The following SEMA3A variants were observed in gnomAD, a reference collection of about 807,000 sequenced individuals.
The protein encoded by SEMA3A is semaphorin 3A.
SEMA3A carries 29 observed loss-of-function variants against 97.9 expected under a neutral mutation model. The observed-to-expected ratio is 0.30, with a 90% CI of 0.22 to 0.40. The LOEUF (loss-of-function observed/expected upper bound fraction) is 0.40. Among genes scored for constraint, SEMA3A ranks in the 10% least tolerant of loss-of-function variants. The probability of loss-of-function intolerance (pLI) is 1.00; values close to 1 mark genes in which losing one functional copy is unlikely to be tolerated. For synonymous variants in SEMA3A, 321 were observed against 323.7 expected (o/e 0.99, Z 0.09); for missense variants, 763 against 951.3 (o/e 0.80, Z 2.60).
At chr7:84,312,905 TATATATATATATATATACACAC>T (rs1376325581) in intron 2 of SEMA3A, among the ~76,000 whole-genome samples, 3 of 55,868 alleles carry the variant, frequency 5.4e-5, no homozygotes, top group Non-Finnish European at 1.4e-4. Context: ...TATATATATA[TATATATATATATATATACACAC>T]ACACACACAC....
chr7:84,234,050 T>A (rs1799177871), intron 3 of SEMA3A, among the ~76,000 whole-genome samples: 2 of 152,040 alleles, frequency 1.3e-5, no homozygotes, highest in Non-Finnish European at 2.9e-5. Flanking sequence ...TTTATTATAA[T>A]GAAAACCATA....
chr7:84,480,703 C>G (rs1806421864), intron 1 of SEMA3A, among the ~76,000 whole-genome samples: 1 of 152,020 alleles, frequency 6.6e-6, no homozygotes, highest in Non-Finnish European at 1.5e-5. Context: ...TGGAAGTGTC[C>G]TCTTTTTAAA....
chr7:84,071,571 A>G (rs1352633861), intron 4 of SEMA3A, among the ~76,000 whole-genome samples: 1 of 152,108 alleles, frequency 6.6e-6, no homozygotes, highest in Non-Finnish European at 1.5e-5. Flanking sequence ...AAGCAGGTAC[A>G]AATTTTACCT....
intron 3 of SEMA3A, among the ~76,000 whole-genome samples, chr7:84,236,368 G>C (rs1480118563): frequency 6.6e-6 from 1 of 151,920 alleles, no homozygotes; most frequent in African/African-American, 2.4e-5. Flanking sequence ...TTCTATCCTA[G>C]ATATCCAATA....
chr7:84,018,371 T>G (rs965204932), intron 6 of SEMA3A, among the ~76,000 whole-genome samples: 2 of 152,226 alleles, frequency 1.3e-5, no homozygotes, highest in Non-Finnish European at 2.9e-5. Flanking sequence ...TATTTTCATT[T>G]ATAAAATAAG....
intron 2 of SEMA3A, among the ~76,000 whole-genome samples, chr7:84,329,435 G>T (rs1437285839): frequency 1.3e-5 from 2 of 151,938 alleles, no homozygotes; most frequent in Admixed American, 6.6e-5. Context: ...GCTATTGTTA[G>T]TGTTAATATA....
chr7:84,048,731 G>A (rs1792464980), intron 5 of SEMA3A, among the ~76,000 whole-genome samples: 1 of 151,956 alleles, frequency 6.6e-6, no homozygotes, highest in African/African-American at 2.4e-5. Flanking sequence ...TCAGGATTTA[G>A]TCAGACCATG....
chr7:84,348,282 T>A (rs763794825), intron 2 of SEMA3A, among the ~76,000 whole-genome samples: 2 of 152,174 alleles, frequency 1.3e-5, no homozygotes, highest in Non-Finnish European at 2.9e-5. Flanking sequence ...AGAAATAATA[T>A]ATATGAGAAA....
chr7:84,487,753 A>T lies in SEMA3A; in HGVS notation c.-246+4707T>A, dbSNP rs577278616. The stretch of plus-strand genomic sequence containing the variant: ...TTTCAGATCCTGTCACCACAGATTA[A>T]TTTTTCCAGGATCTTGAGATTACTT... On this transcript the variant is annotated intron_variant, in intron 1 of 3. Coordinates refer to the SEMA3A transcript ENST00000424555. Among the ~76,000 whole-genome samples, 62 of 152,192 alleles carry T rather than the reference A, an allele frequency of 4.1e-4. No individual in the cohort carries two copies. In the South Asian group the frequency reaches 0.012, roughly 29 times the overall value.
chr7:84,277,704 G>C (rs115708764), intron 3 of SEMA3A, among the ~76,000 whole-genome samples: 4,968 of 152,154 alleles, frequency 0.033, 95 homozygotes, highest in South Asian at 0.046. Context: ...TTCAGGGGGG[G>C]CCTCAGGAAA....
At chr7:84,323,666 T>G (rs1265660587) in intron 2 of SEMA3A, among the ~76,000 whole-genome samples, 1 of 152,182 alleles carries the variant, frequency 6.6e-6, no homozygotes, top group Non-Finnish European at 1.5e-5. Flanking sequence ...ACTATAGTTC[T>G]TTAAAAATGG....
Position 83,961,703 on chromosome 7 carries a change from TAAG to T in SEMA3A, c.1981_1983del (p.Leu661del), listed in dbSNP as rs1788478194. The stretch of plus-strand genomic sequence containing the variant: ...GTGTCAATGACTTCCAGGGTTACCT[TAAG>T]AAGAGTTTGTATGAACCCATGTTCC... On this transcript the variant is annotated inframe_deletion, in exon 17 of 17. Transcript: ENST00000265362. 1.2e-6 allele frequency: 2 copies of T among 1,613,588 alleles called. No homozygotes were observed. Among genetic ancestry groups the T allele is most frequent in the African/African-American group, 2.7e-5 (2 of 75,000 alleles).
At chr7:84,390,010 T>C (rs1003679382) in intron 1 of SEMA3A, among the ~76,000 whole-genome samples, 3 of 152,176 alleles carry the variant, frequency 2.0e-5, no homozygotes, top group Admixed American at 6.6e-5. Context: ...AAAAGAAAGC[T>C]ATCTAATTTC....
At chr7:84,226,310 T>C (rs970166936) in intron 3 of SEMA3A, among the ~76,000 whole-genome samples, 6 of 151,946 alleles carry the variant, frequency 3.9e-5, no homozygotes, top group African/African-American at 1.5e-4. Flanking sequence ...TAAGAAAGTC[T>C]TAAAATAAAA....
At chr7:84,302,357 A>C (rs561972638) in intron 3 of SEMA3A, among the ~76,000 whole-genome samples, 21 of 152,142 alleles carry the variant, frequency 1.4e-4, no homozygotes, top group Non-Finnish European at 2.5e-4. Flanking sequence ...AAAATAGATG[A>C]AGTTTGTTTC....
chr7:84,097,326 A>G (rs1305188472), intron 4 of SEMA3A, among the ~76,000 whole-genome samples: 5 of 152,174 alleles, frequency 3.3e-5, no homozygotes, highest in African/African-American at 9.6e-5. Flanking sequence ...TGATTGAAAC[A>G]GAAAGTAGTC....
At chr7:83,994,817 G>A (rs1266726577) in intron 12 of SEMA3A, among the ~76,000 whole-genome samples, 1 of 151,970 alleles carries the variant, frequency 6.6e-6, no homozygotes, top group African/African-American at 2.4e-5. Flanking sequence ...AGGCAGGCAG[G>A]CCTCCTTGAG....
At chr7:84,457,023 T>C (rs1380225295) in intron 1 of SEMA3A, among the ~76,000 whole-genome samples, 1 of 151,712 alleles carries the variant, frequency 6.6e-6, no homozygotes, top group African/African-American at 2.4e-5. Context: ...CAAAGCAGTA[T>C]ATTTATATAA....
chr7:83,993,386 AGTT>A (rs1412019614), intron 12 of SEMA3A, among the ~76,000 whole-genome samples: 1 of 151,364 alleles, frequency 6.6e-6, no homozygotes, highest in Non-Finnish European at 1.5e-5. Context: ...TTTGCTCGTT[AGTT>A]GATGCAGTTT....
Sources: gnomAD v4.1 joint callset for allele counts (sites outside exome capture counted in the v4.1 genomes callset) on GRCh38, gnomAD v4.1.1 for gene constraint, MANE v1.5 for transcripts, NCBI Gene and HGNC (gene_info 2026-07-23, HGNC 2026-07-21) for gene names.